CD1B: variants seen among roughly 807,000 people sequenced by gnomAD.
The protein encoded by CD1B is T-cell surface glycoprotein CD1b.
CD1B carries 43 observed loss-of-function variants against 39.8 expected under a neutral mutation model. The ratio of observed to expected loss-of-function variants is 1.08; its 90% CI spans 0.85 to 1.39. CD1B has a LOEUF of 1.39. Among genes scored for constraint, CD1B ranks in the 40% most tolerant of loss-of-function variants. CD1B has a pLI of 0.00. For synonymous variants in CD1B, 192 were observed against 152.5 expected, an observed-to-expected ratio of 1.26 and a Z score of -1.91; for missense variants, 495 against 403.8, an observed-to-expected ratio of 1.23 and a Z score of -1.94.
At chr1:158,289,974 G>C in the CD1B span, 1 of 1,151,718 alleles carries the variant, frequency 8.7e-7, no homozygotes, top group Non-Finnish European at 1.3e-6. Flanking sequence ...TTGGTAGAAG[G>C]AAGTCAGAAT....
At chr1:158,310,581 A>T in the CD1B span, among the ~76,000 whole-genome samples, 5 of 152,192 alleles carry the variant, frequency 3.3e-5, no homozygotes, top group African/African-American at 1.2e-4. Flanking sequence ...ACAAAGATCT[A>T]ATACCCAGCA....
In CD1B at chr1:158,328,205, T is replaced by C. The variant is rs771478208; in HGVS notation, c.*31A>G. On this transcript the variant is annotated 3_prime_UTR_variant, in exon 6 of 6. Transcript: ENST00000368168. ...GATATCTTGGGCTTCTTGGTACTTA[T>C]TGCGAATGGGAGAGGAGACATGATG... The C allele has an allele frequency of 1.8e-5, 28 of 1,585,240 alleles. 1 individual carries two copies. The Middle Eastern group carries it at 5.0e-4, about 28-fold the overall frequency.
the CD1B span, among the ~76,000 whole-genome samples, chr1:158,304,405 C>T: frequency 6.6e-6 from 1 of 152,146 alleles, no homozygotes; most frequent in African/African-American, 2.4e-5. Flanking sequence ...GGGCGCCCAC[C>T]ATTGCCTAGG....
At chr1:158,302,277 A>C in the CD1B span, among the ~76,000 whole-genome samples, 2 of 152,208 alleles carry the variant, frequency 1.3e-5, no homozygotes, top group Admixed American at 1.3e-4. Flanking sequence ...AGTCTCTGAG[A>C]CACAGCTAAA....
At chr1:158,320,239 G>T in the CD1B span, among the ~76,000 whole-genome samples, 1 of 152,210 alleles carries the variant, frequency 6.6e-6, no homozygotes, top group African/African-American at 2.4e-5. Context: ...GGGCAATGGT[G>T]GGCGCCCCTG....
At chr1:158,292,538 T>C in the CD1B span, 3 of 1,570,702 alleles carry the variant, frequency 1.9e-6, no homozygotes, top group African/African-American at 4.1e-5. Flanking sequence ...GATGTGTGTA[T>C]GTGGATGTAA....
At position 158,329,476 on chromosome 1, in the gene CD1B, T is replaced by A. The variant is rs750317445; in HGVS notation, c.780A>T (p.Thr260=). The A allele has an allele frequency of 3.1e-6, 5 of 1,614,160 alleles. No individual in the cohort carries two copies. The highest frequency in any genetic ancestry group is 4.2e-6 in the Non-Finnish European group (5 of 1,180,024). Residue 260 remains threonine, a synonymous_variant, in exon 4 of 6, where the codon ACA becomes ACT. Coordinates refer to ENST00000368168, the MANE Select transcript of CD1B (RefSeq NM_001764.3). ...LGDILPNANW[T]WYLRATLDVA... ...CATCCAGGGTTGCTCGGAGATACCA[T>A]GTCCAGTTAGCATTGGGCAGGATGT...
chr1:158,328,293 A>T (rs767663311), intron 5 of CD1B, 36 bp from the exon 6 acceptor site: 2 of 1,582,376 alleles, frequency 1.3e-6, no homozygotes, highest in Admixed American at 3.4e-5. Context: ...GCTCCACATA[A>T]AAGATGTTTG....
the CD1B span, among the ~76,000 whole-genome samples, chr1:158,321,537 C>T: frequency 6.6e-6 from 1 of 152,192 alleles, no homozygotes; most frequent in Non-Finnish European, 1.5e-5. Flanking sequence ...GGAGGTACTA[C>T]TGACATTTTG....
chr1:158,289,018 C>G, the CD1B span, among the ~76,000 whole-genome samples: 1 of 152,156 alleles, frequency 6.6e-6, no homozygotes, highest in Admixed American at 6.5e-5. Flanking sequence ...CAATCGTATA[C>G]CATTCCACAC....
chr1:158,299,292 G>T, the CD1B span, among the ~76,000 whole-genome samples: 1 of 152,048 alleles, frequency 6.6e-6, no homozygotes, highest in Non-Finnish European at 1.5e-5. Context: ...TTTTTCTTTA[G>T]TTCTGTTTAT....
At chr1:158,300,479 G>A in the CD1B span, among the ~76,000 whole-genome samples, 7 of 152,132 alleles carry the variant, frequency 4.6e-5, no homozygotes, top group East Asian at 1.9e-4. Flanking sequence ...AGAGAGTACC[G>A]TAGATGTCTA....
the CD1B span, among the ~76,000 whole-genome samples, chr1:158,287,043 A>C: frequency 6.6e-6 from 1 of 152,010 alleles, no homozygotes; most frequent in Non-Finnish European, 1.5e-5. Context: ...CAGGTGGGGA[A>C]CTTAGGGTTT....
intron 2 of CD1B, chr1:158,330,491 A>T (rs1253775708): frequency 3.5e-6 from 2 of 576,480 alleles, no homozygotes; most frequent in Non-Finnish European, 6.3e-6. Flanking sequence ...CACACGTTAG[A>T]TCACTCAGGC....
chr1:158,313,156 T>A, the CD1B span, among the ~76,000 whole-genome samples: 2 of 152,352 alleles, frequency 1.3e-5, no homozygotes, highest in South Asian at 4.1e-4. Context: ...CATTTATTAA[T>A]CTGAATACTT....
At chr1:158,308,541 G>T in the CD1B span, among the ~76,000 whole-genome samples, 1 of 152,270 alleles carries the variant, frequency 6.6e-6, no homozygotes, top group African/African-American at 2.4e-5. Context: ...TAAGCCAAAA[G>T]AATAAAGCTG....
At chr1:158,307,278 T>C in the CD1B span, among the ~76,000 whole-genome samples, 1 of 152,068 alleles carries the variant, frequency 6.6e-6, no homozygotes, top group Admixed American at 6.6e-5. Context: ...AAATACAGAC[T>C]ACCATCAGAG....
At chr1:158,309,546 G>A in the CD1B span, among the ~76,000 whole-genome samples, 1 of 152,054 alleles carries the variant, frequency 6.6e-6, no homozygotes, top group Non-Finnish European at 1.5e-5. Context: ...GTTTATTGAG[G>A]CACTATTCAC....
the CD1B span, among the ~76,000 whole-genome samples, chr1:158,297,855 A>G: frequency 1.3e-5 from 2 of 151,998 alleles, no homozygotes; most frequent in Non-Finnish European, 2.9e-5. Context: ...GGATCACCCA[A>G]GCCTGGGGAG....
Sources: allele counts gnomAD v4.1 joint callset (sites outside exome capture counted in the v4.1 genomes callset), GRCh38; gene constraint gnomAD v4.1.1; transcripts MANE v1.5; gene names NCBI Gene and HGNC (gene_info 2026-07-23, HGNC 2026-07-21).